DOCK9: variants seen among roughly 807,000 people sequenced by gnomAD.
The protein encoded by DOCK9 is dedicator of cytokinesis protein 9.
In DOCK9, 89 loss-of-function variants were observed where a neutral mutation model predicts 263.3. The observed-to-expected ratio is 0.34, with a 90% confidence interval of 0.28 to 0.40. The LOEUF (loss-of-function observed/expected upper bound fraction) is 0.40, where lower values mean the gene tolerates loss of function less well. Ranked by LOEUF, DOCK9 falls within the 10% of genes least tolerant of loss-of-function variation. DOCK9 has a pLI of 1.00. For synonymous variants in DOCK9, 976 were observed against 973.1 expected (o/e 1.00, Z -0.06); for missense variants, 2,140 against 2,603.4 (o/e 0.82, Z 3.87).
intron 1 of DOCK9, among the ~76,000 whole-genome samples, chr13:99,062,204 C>A (rs1251498791): frequency 6.6e-6 from 1 of 152,058 alleles, no homozygotes; most frequent in Non-Finnish European, 1.5e-5. Context: ...AAAGAAAGGT[C>A]CCCTAAGAGC....
At chr13:98,897,023 ACAAGCTAAG>A (rs1293841070) in intron 15 of DOCK9, among the ~76,000 whole-genome samples, 4 of 152,232 alleles carry the variant, frequency 2.6e-5, no homozygotes, top group Non-Finnish European at 5.9e-5. Context: ...CAATGCTGCC[ACAAGCTAAG>A]CAACAACTGG....
At chr13:98,986,087 C>T (rs1346946113) in intron 1 of DOCK9, among the ~76,000 whole-genome samples, 3 of 152,244 alleles carry the variant, frequency 2.0e-5, no homozygotes, top group Non-Finnish European at 4.4e-5. Context: ...ATGCATCATT[C>T]AAGTATAACT....
Position 98,800,473 on chromosome 13 carries a change from G to A in DOCK9, c.5731C>T (p.His1911Tyr), listed in dbSNP as rs1332181465. Residue 1911 changes from histidine to tyrosine, a missense_variant, in exon 50 of 53, where the codon CAC becomes TAC. Physicochemically the swap from His to Tyr is moderately conservative, Grantham distance 83. Transcript: ENST00000682017. ...CGCTTCTTCACATAAGGGAAGCAGTGTATGGCTGCAGAGGGTAAGCCCCAG... is the reference window on the plus strand; with the variant it reads ...CGCTTCTTCACATAAGGGAAGCAGTATATGGCTGCAGAGGGTAAGCCCCAG... The part of the protein sequence containing the change: ...CKRRTILTAI[H>Y]CFPYVKKRIP... 1 of 1,613,860 alleles carries A rather than the reference G, an allele frequency of 6.2e-7. No homozygotes were observed. The highest frequency in any genetic ancestry group is 1.7e-5 in the Admixed American group (1 of 60,030).
In DOCK9 at chr13:98,921,100, A is replaced by T. The variant is rs2051905454; in HGVS notation, c.583-12T>A. 1.3e-6 allele frequency: 2 copies of T among 1,592,730 alleles called. No individual in the cohort carries two copies. The highest frequency in any genetic ancestry group is 2.7e-5 in the African/African-American group (2 of 74,284). On this transcript the variant is annotated splice_polypyrimidine_tract_variant and intron_variant, in intron 6 of 52. Coordinates refer to ENST00000682017, the MANE Select transcript of DOCK9 (RefSeq NM_001366683.2). ...CGTCTCTTAAATGACTGAGAGAAAA[A>T]TATACACACAGCTATTCTTTCAAAA...
chr13:98,902,355 C>G lies in DOCK9; in HGVS notation c.1313G>C (p.Gly438Ala). 6.2e-7 allele frequency: 1 copy of G among 1,614,018 alleles called. No individual in the cohort carries two copies. The highest frequency in any genetic ancestry group is 8.5e-7 in the Non-Finnish European group (1 of 1,179,894). ...LATTSPALMN[G>A]SGQSPSVLKG... is the part of the protein sequence containing the mutation. ...GAGGACAGATGGGCTCTGCCCACTGCCATTCATCAGCGCCGGGGACGTGGT... is the reference window on the plus strand; with the variant it reads ...GAGGACAGATGGGCTCTGCCCACTGGCATTCATCAGCGCCGGGGACGTGGT... The change falls in exon 12 of 53, where the codon GGC (glycine) becomes GCC (alanine). Residue 438 changes from glycine (G) to alanine (A), a missense_variant. Gly to Ala is a moderately conservative substitution (Grantham distance 60). Around this residue, in one of 2 missense-constraint regions of DOCK9, gnomAD observed 1,521 missense variants for 1,741.7 expected, o/e 0.87. Coordinates refer to ENST00000682017, the MANE Select transcript of DOCK9 (RefSeq NM_001366683.2).
chr13:98,827,905 G>A (rs1311655001), intron 43 of DOCK9, among the ~76,000 whole-genome samples: 2 of 152,136 alleles, frequency 1.3e-5, no homozygotes, highest in Non-Finnish European at 2.9e-5. Flanking sequence ...GTAGTGTCCC[G>A]CCAAAATTCA....
chr13:98,946,065 T>C (rs1255434445), intron 2 of DOCK9, among the ~76,000 whole-genome samples: 1 of 151,974 alleles, frequency 6.6e-6, no homozygotes, highest in African/African-American at 2.4e-5. Context: ...AAGAGGCCAG[T>C]GTGGCTGCAG....
chr13:98,834,148 G>T (rs1314877392), intron 39 of DOCK9, among the ~76,000 whole-genome samples: 1 of 152,126 alleles, frequency 6.6e-6, no homozygotes, highest in Non-Finnish European at 1.5e-5. Flanking sequence ...GGTCTCTTAT[G>T]GTGCTTAATC....
At chr13:98,934,655 G>A (rs1482846205) in intron 2 of DOCK9, among the ~76,000 whole-genome samples, 1 of 96,832 alleles carries the variant, frequency 1.0e-5, no homozygotes, top group Non-Finnish European at 2.5e-5. Flanking sequence ...CTACACTACA[G>A]AGTTAAGACA....
intron 1 of DOCK9, among the ~76,000 whole-genome samples, chr13:99,020,915 G>C (rs962210453): frequency 2.5e-4 from 38 of 152,118 alleles, no homozygotes; most frequent in African/African-American, 9.2e-4. Context: ...CTAAGTAAAG[G>C]GAGGACAGAT....
At chr13:98,807,464 T>C (rs1254719324) in intron 48 of DOCK9, among the ~76,000 whole-genome samples, 197 bp downstream of exon 48, 6 of 152,198 alleles carry the variant, frequency 3.9e-5, no homozygotes, top group African/African-American at 1.2e-4. Flanking sequence ...TTTCAAAAAT[T>C]AGGCGATAAA....
intron 3 of DOCK9, among the ~76,000 whole-genome samples, chr13:98,926,598 G>A (rs1206154134): frequency 3.9e-5 from 6 of 152,166 alleles, no homozygotes; most frequent in African/African-American, 1.2e-4. Context: ...GGTGTCCGTC[G>A]TTCATCCACC....
At chr13:99,011,112 G>C (rs1884401501) in intron 1 of DOCK9, among the ~76,000 whole-genome samples, 1 of 151,796 alleles carries the variant, frequency 6.6e-6, no homozygotes, top group South Asian at 2.1e-4. Flanking sequence ...GGTCAAGCTG[G>C]TCTTGAACTC....
intron 1 of DOCK9, among the ~76,000 whole-genome samples, chr13:99,065,739 G>T (rs1226698518): frequency 6.6e-6 from 1 of 152,118 alleles, no homozygotes; most frequent in South Asian, 2.1e-4. Flanking sequence ...ACTCTCCAAT[G>T]ATACAATCTT....
intron 1 of DOCK9, among the ~76,000 whole-genome samples, chr13:99,027,028 T>C (rs1031992828): frequency 1.3e-5 from 2 of 152,074 alleles, no homozygotes; most frequent in East Asian, 1.9e-4. Flanking sequence ...TTGTTGTTGT[T>C]GTCGTTGTTG....
chr13:99,023,655 A>AT (rs995732953), intron 1 of DOCK9, among the ~76,000 whole-genome samples: 1 of 152,190 alleles, frequency 6.6e-6, no homozygotes, highest in African/African-American at 2.4e-5. Flanking sequence ...ATCTTTCCAT[A>AT]TTTTTTAAAA....
chr13:98,928,214 G>C (rs2053353769), intron 3 of DOCK9, among the ~76,000 whole-genome samples: 1 of 152,184 alleles, frequency 6.6e-6, no homozygotes, highest in African/African-American at 2.4e-5. Flanking sequence ...GCCAGATCCT[G>C]AGAACTGTAC....
intron 49 of DOCK9, among the ~76,000 whole-genome samples, chr13:98,802,434 G>A (rs1043509435): frequency 6.6e-6 from 1 of 152,232 alleles, no homozygotes; most frequent in Non-Finnish European, 1.5e-5. Context: ...CAGCCCTTTA[G>A]AAAGGAGGAC....
chr13:98,884,624 C>G (rs1436073440), intron 21 of DOCK9, among the ~76,000 whole-genome samples: 1 of 152,178 alleles, frequency 6.6e-6, no homozygotes, highest in East Asian at 1.9e-4. Flanking sequence ...TTACTTTAAG[C>G]TGGAGGAAAA....
Sources: gnomAD v4.1 joint callset for allele counts (sites outside exome capture counted in the v4.1 genomes callset) on GRCh38, gnomAD v4.1.1 for gene constraint, gnomAD v4.1.1 regional missense constraint, MANE v1.5 for transcripts, NCBI Gene and HGNC (gene_info 2026-07-23, HGNC 2026-07-21) for gene names.